ADGRB1: variants seen among roughly 807,000 people sequenced by gnomAD.
ADGRB1 encodes the protein adhesion G protein-coupled receptor B1.
In ADGRB1, 36 loss-of-function variants were observed where a neutral mutation model predicts 175.7. That is an observed-to-expected ratio of 0.20 (90% confidence interval 0.16 to 0.27). The LOEUF (loss-of-function observed/expected upper bound fraction) is 0.27, where lower values mean the gene tolerates loss of function less well. Among genes scored for constraint, ADGRB1 ranks in the 10% least tolerant of loss-of-function variants. The pLI is 1.00. For synonymous variants in ADGRB1, 1,054 were observed against 979.4 expected (o/e 1.08, Z -1.42); for missense variants, 1,731 against 2,255.3 (o/e 0.77, Z 4.71).
rs919827747 is a variant in ADGRB1 at position 142,474,422 on chromosome 8, C to T, written c.785-1052C>T. Among the ~76,000 whole-genome samples the T allele has an allele frequency of 3.9e-5, 6 of 152,136 alleles. No homozygotes were observed. The highest frequency in any genetic ancestry group is 7.2e-5 in the African/African-American group (3 of 41,430). ...CAAGGGCTGCATGCCCTTTCCAAGT[C>T]GCCCGACCCTGCTGCACAGGGTGTA... On this transcript the variant is annotated intron_variant, in intron 2 of 30. Transcript: ENST00000517894. The surrounding 1 kb of genome is among the most constrained non-coding windows in gnomAD (Gnocchi z 5.8).
At chr8:142,500,602 G>C (rs1198298678) in intron 17 of ADGRB1, among the ~76,000 whole-genome samples, 2 of 151,926 alleles carry the variant, frequency 1.3e-5, no homozygotes. Context: ...ATTTAAGGCA[G>C]CAGAAAAGGC....
chr8:142,463,185 C>A (rs1235410381), intron 1 of ADGRB1, among the ~76,000 whole-genome samples: 2 of 152,200 alleles, frequency 1.3e-5, no homozygotes, highest in African/African-American at 4.8e-5. Context: ...CTCCATCCCC[C>A]CTCCATCCCT....
At chr8:142,519,070 T>C (rs1412762632) in intron 19 of ADGRB1, among the ~76,000 whole-genome samples, 1 of 152,162 alleles carries the variant, frequency 6.6e-6, no homozygotes, top group African/African-American at 2.4e-5. Context: ...GGCTCTCCAC[T>C]GTCCTGCCTG....
At position 142,493,414 on chromosome 8, in the gene ADGRB1, G is replaced by A. The variant is rs1842072519; in HGVS notation, c.2675+2599G>A. Among the ~76,000 whole-genome samples the A allele has an allele frequency of 6.6e-6, 1 of 152,118 alleles. No individual in the cohort carries two copies. Among genetic ancestry groups the A allele is most frequent in the African/African-American group, 2.4e-5 (1 of 41,436 alleles). ...GGTGTTTGGCGTCCGCGTGGCCTCT[G>A]TCGACCCTAAAAGTCACAGGTGTGG... On this transcript the variant is annotated intron_variant, in intron 17 of 30. Transcript: ENST00000517894. This position sits in a 1 kb window ranked among gnomAD's most constrained non-coding sequence, Gnocchi z 5.0.
At chr8:142,472,471 CTGTCCACCCAGCTCAGACACACTG>C (rs1840725721) in intron 2 of ADGRB1, among the ~76,000 whole-genome samples, 1 of 152,232 alleles carries the variant, frequency 6.6e-6, no homozygotes, top group Admixed American at 6.5e-5. Context: ...CTGCCCTTCA[CTGTCCACCCAGCTCAGACACACTG>C]TGGCCACCCA....
chr8:142,544,617 G>A lies in ADGRB1; in HGVS notation c.*200G>A. 1 of 553,570 alleles carries A rather than the reference G, an allele frequency of 1.8e-6. No homozygotes were observed. The highest frequency in any genetic ancestry group is 2.8e-6 in the Non-Finnish European group (1 of 355,932). The allele number at this position is 553,570 out of a possible 1,614,324, so 34.3% of individuals were successfully genotyped here. On this transcript the variant is annotated 3_prime_UTR_variant, in exon 31 of 31. Transcript: ENST00000517894. ...TGCAGGACAGGAGGCGGCCCGGCCA[G>A]CGGGCACAGGGCACCAGAGGCCGAA... is the stretch of plus-strand genomic sequence containing the variant.
At chr8:142,520,781 G>T in intron 19 of ADGRB1, 42 bp from the exon 20 acceptor site, 2 of 1,557,918 alleles carry the variant, frequency 1.3e-6, no homozygotes, top group Non-Finnish European at 1.8e-6. Context: ...TGCAGATGGG[G>T]TTCTGTTGGG....
intron 27 of ADGRB1, among the ~76,000 whole-genome samples, chr8:142,541,088 G>T (rs1441386261): frequency 6.6e-6 from 1 of 152,086 alleles, no homozygotes; most frequent in Middle Eastern, 3.2e-3. Context: ...GCCTGCATGG[G>T]GCAGGACACA....
intron 23 of ADGRB1, among the ~76,000 whole-genome samples, chr8:142,525,643 G>T (rs530727767): frequency 6.6e-6 from 1 of 152,328 alleles, no homozygotes; most frequent in East Asian, 1.9e-4. Flanking sequence ...AAGCAGGCCG[G>T]CTGTGTGGTC....
rs377355022 is a variant in ADGRB1, at chr8:142,543,593, G to A, written c.4450-8G>A. Reference sequence around the variant, plus strand: ...GCCCAGGACTCACTGCCCAGACCCCGCCTGCAGAAGATCATGCACACCCGG... The same window carrying A: ...GCCCAGGACTCACTGCCCAGACCCCACCTGCAGAAGATCATGCACACCCGG... On this transcript the variant is annotated splice_polypyrimidine_tract_variant and splice_region_variant and intron_variant, in intron 29 of 30. Transcript: ENST00000517894. This position sits in a 1 kb window ranked among gnomAD's most constrained non-coding sequence, Gnocchi z 4.4. The A allele has an allele frequency of 2.5e-4, 391 of 1,569,686 alleles. 1 individual carries two copies. The African/African-American group carries it at 3.9e-3, about 15-fold the overall frequency.
Position 142,476,649 on chromosome 8 carries a change from G to T in ADGRB1, c.1011G>T (p.Glu337Asp), listed in dbSNP as rs1188853264. The T allele has an allele frequency of 1.5e-5, 23 of 1,548,224 alleles. No individual in the cohort carries two copies. The highest frequency in any genetic ancestry group is 1.7e-5 in the Non-Finnish European group (20 of 1,146,102). Residue 337 changes from glutamate (E) to aspartate (D), a missense_variant, in exon 4 of 31, where the codon GAG becomes GAT. Around this residue, in one of 8 missense-constraint regions of ADGRB1, gnomAD observed 178 missense variants for 227.8 expected, o/e 0.78. Coordinates refer to ENST00000517894, the MANE Select transcript of ADGRB1 (RefSeq NM_001702.3). Reference sequence around the variant, plus strand: ...CCACAGATGCCCGGCGGCGCGAGGAGCTGGGGGACGAGCTGCAGCAGTTTG... The same window carrying T: ...CCACAGATGCCCGGCGGCGCGAGGATCTGGGGGACGAGCTGCAGCAGTTTG... ...LRSTDARRRE[E>D]LGDELQQFGF...
chr8:142,479,844 C>A, intron 9 of ADGRB1, 50 bp downstream of exon 9: 1 of 1,547,656 alleles, frequency 6.5e-7, no homozygotes, highest in Non-Finnish European at 8.8e-7. Flanking sequence ...CCTGTCCTCA[C>A]GGTGATGCCC....
In ADGRB1 at chr8:142,479,782, C is replaced by T. The variant is rs267601806; in HGVS notation, c.1816C>T (p.Arg606Cys). The T allele has an allele frequency of 6.2e-6, 10 of 1,612,992 alleles. No homozygotes were observed. The highest frequency in any genetic ancestry group is 7.6e-6 in the Non-Finnish European group (9 of 1,179,480). The stretch of plus-strand genomic sequence containing the variant: ...AGAGGTGGCTGCTGTCCGGTGTCCC[C>T]GCAACGCCACAGGTGAGGGCTGGAG... ...AGEVAAVRCP[R>C]NATGLILRRC... Residue 606 changes from arginine (R) to cysteine (C), a missense_variant, in exon 9 of 31, where the codon CGC becomes TGC. By Grantham distance (180) the Arg-to-Cys change is radical. Coordinates refer to ENST00000517894, the MANE Select transcript of ADGRB1 (RefSeq NM_001702.3).
chr8:142,522,511 A>G, intron 21 of ADGRB1, 130 bp from the exon 22 acceptor site: 1 of 908,276 alleles, frequency 1.1e-6, no homozygotes. Flanking sequence ...TCTCTTGCTC[A>G]GCCCCATCCT....
intron 13 of ADGRB1, among the ~76,000 whole-genome samples, chr8:142,485,613 T>G (rs949897826): frequency 6.6e-6 from 1 of 152,212 alleles, no homozygotes; most frequent in Non-Finnish European, 1.5e-5. Flanking sequence ...ATGACCAGGA[T>G]CAGCTGAGCT....
intron 18 of ADGRB1, among the ~76,000 whole-genome samples, chr8:142,516,917 C>T (rs1410165207): frequency 2.0e-5 from 3 of 152,206 alleles, no homozygotes; most frequent in African/African-American, 7.2e-5. Context: ...GCTTTGCACG[C>T]CCTTCAGCCA....
intron 2 of ADGRB1, 140 bp from the exon 3 acceptor site, chr8:142,475,334 C>G: frequency 2.2e-6 from 2 of 896,080 alleles, no homozygotes; most frequent in Non-Finnish European, 2.9e-6. Flanking sequence ...CCCCCAGGTC[C>G]TCCCAGGCCA....
intron 27 of ADGRB1, among the ~76,000 whole-genome samples, chr8:142,540,812 G>A (rs1039679767): frequency 1.3e-5 from 2 of 152,066 alleles, no homozygotes; most frequent in African/African-American, 4.8e-5. Context: ...CTCTTGGGTA[G>A]GGACGAGGGA....
intron 1 of ADGRB1, among the ~76,000 whole-genome samples, chr8:142,452,817 C>T (rs1412618857): frequency 6.6e-6 from 1 of 151,636 alleles, no homozygotes; most frequent in African/African-American, 2.4e-5. Context: ...GCGCGGAGCC[C>T]GTCCTCCGGG....
Sources: allele counts gnomAD v4.1 joint callset (sites outside exome capture counted in the v4.1 genomes callset), GRCh38; gene constraint gnomAD v4.1.1; regional missense constraint gnomAD v4.1.1; non-coding constraint Gnocchi (gnomAD v3.1); transcripts MANE v1.5; gene names NCBI Gene and HGNC (gene_info 2026-07-23, HGNC 2026-07-21).